The following BCAT2 variants were observed in gnomAD, a reference collection of about 807,000 sequenced individuals.
BCAT2 encodes the protein branched chain amino acid transaminase 2.
In BCAT2, 44 loss-of-function variants were observed where a neutral mutation model predicts 52.9. That is an observed-to-expected ratio of 0.83 (90% CI 0.65 to 1.07). The LOEUF is 1.07. Among genes scored for constraint, BCAT2 ranks in the 50% least tolerant of loss-of-function variants. The pLI is 0.00. For synonymous variants in BCAT2, 215 were observed against 217.1 expected, an observed-to-expected ratio of 0.99 and a Z score of 0.08; for missense variants, 478 against 521.8, an observed-to-expected ratio of 0.92 and a Z score of 0.82.
intron 2 of BCAT2, 90 bp from the exon 3 acceptor site, chr19:48,806,807 T>C: frequency 6.6e-7 from 1 of 1,509,648 alleles, no homozygotes; most frequent in Non-Finnish European, 9.1e-7. Context: ...CTCAGACCCA[T>C]AGAGAAGAAG....
intron 6 of BCAT2, among the ~76,000 whole-genome samples, chr19:48,798,272 TC>T (rs2034576857): frequency 6.6e-6 from 1 of 152,096 alleles, no homozygotes; most frequent in South Asian, 2.1e-4. Flanking sequence ...TGCTGGACCT[TC>T]CCTGGACTCC....
At chr19:48,798,138 C>A (rs1465814285) in intron 6 of BCAT2, among the ~76,000 whole-genome samples, 1 of 151,896 alleles carries the variant, frequency 6.6e-6, no homozygotes, top group East Asian at 1.9e-4. Context: ...CTCCTGACCT[C>A]AAGTGATCCG....
chr19:48,810,714 C>A, intron 1 of BCAT2: 417 of 686,838 alleles, frequency 6.1e-4, no homozygotes, highest in Non-Finnish European at 7.7e-4. Context: ...TCCCTCATTA[C>A]AGGGTCCTCC....
chr19:48,799,036 C>CTCGGA lies in BCAT2; in HGVS notation c.695+638_695+639insTCCGA, dbSNP rs2034596835. ...GCCTGGGAGACCCAGGAGAGCAGGG[C>CTCGGA]TCGGGGCTGACTCATCTGTGTCCCC... On this transcript the variant is annotated intron_variant, in intron 6 of 10. Coordinates refer to ENST00000316273, the MANE Select transcript of BCAT2 (RefSeq NM_001190.4). This position sits in a 1 kb window ranked among gnomAD's most constrained non-coding sequence, Gnocchi z 5.5. The CTCGGA allele has an allele frequency of 6.6e-6, 1 of 152,318 alleles. No individual in the cohort carries two copies. The highest frequency in any genetic ancestry group is 2.4e-5 in the African/African-American group (1 of 41,432). 9.4% of individuals were successfully genotyped at this position (152,318 alleles called of 1,614,324 possible).
At chr19:48,795,592 C>G (rs2034489992) in intron 10 of BCAT2, 128 bp from the exon 11 acceptor site, 1 of 1,007,694 alleles carries the variant, frequency 9.9e-7, no homozygotes, top group African/African-American at 1.6e-5. Flanking sequence ...TAGTCCACTT[C>G]CCAGAGGGCC....
rs1415171795 is a variant in BCAT2, at chr19:48,807,964, C to G, written c.25-890G>C. On this transcript the variant is annotated intron_variant, in intron 1 of 10. Coordinates refer to ENST00000316273, the MANE Select transcript of BCAT2 (RefSeq NM_001190.4). The surrounding 1 kb of genome is among the most constrained non-coding windows in gnomAD (Gnocchi z 4.6). ...CCTTTGACCTCACAAGGCCTCTTTCCCCAGCCCTGTGGGGAGGCGTTGGGG... is the reference window on the plus strand; with the variant it reads ...CCTTTGACCTCACAAGGCCTCTTTCGCCAGCCCTGTGGGGAGGCGTTGGGG... 33 of 985,874 alleles carry G rather than the reference C, an allele frequency of 3.3e-5. No homozygotes were observed. Among genetic ancestry groups the G allele is most frequent in the Non-Finnish European group, 4.0e-5 (33 of 830,298 alleles). 61.1% of individuals were successfully genotyped at this position (985,874 alleles called of 1,614,324 possible).
At position 48,806,411 on chromosome 19, in the gene BCAT2, G is replaced by A; in HGVS notation, c.300+106C>T. The A allele has an allele frequency of 2.1e-6, 3 of 1,408,264 alleles. No individual in the cohort carries two copies. The South Asian group carries it at 3.6e-5, about 17-fold the overall frequency. 87.2% of individuals were successfully genotyped at this position (1,408,264 alleles called of 1,614,324 possible). ...AAACAAATGGTGAATGCACAGAAAG[G>A]AGAAACACACAACAAACAAACCAAG... On this transcript the variant is annotated intron_variant, in intron 3 of 10. Transcript: ENST00000316273.
At chr19:48,806,144 AC>A (rs932613209) in intron 3 of BCAT2, among the ~76,000 whole-genome samples, 2 of 111,858 alleles carry the variant, frequency 1.8e-5, no homozygotes, top group Non-Finnish European at 3.7e-5. Context: ...CCCCTTTCCT[AC>A]CATCACCCTG....
At chr19:48,809,194 A>G (rs1258418272) in intron 1 of BCAT2, among the ~76,000 whole-genome samples, 1 of 150,914 alleles carries the variant, frequency 6.6e-6, no homozygotes, top group East Asian at 2.0e-4. Context: ...TGAACCCATG[A>G]GGCGGAGGTT....
At chr19:48,800,493 AG>A (rs1335085903) in intron 3 of BCAT2, among the ~76,000 whole-genome samples, 196 bp from the exon 4 acceptor site, 4 of 152,136 alleles carry the variant, frequency 2.6e-5, no homozygotes, top group Non-Finnish European at 5.9e-5. Context: ...GGAGACAAAC[AG>A]GTAGAGACAC....
chr19:48,799,747 G>A lies in BCAT2; in HGVS notation c.623C>T (p.Pro208Leu). 1.3e-6 allele frequency: 2 copies of A among 1,585,090 alleles called. No individual in the cohort carries two copies. The highest frequency in any genetic ancestry group is 1.7e-6 in the Non-Finnish European group (2 of 1,166,580). ...GAYFPGGSVT[P>L]VSLLADPAFI... The stretch of plus-strand genomic sequence containing the variant: ...GGCTGGGTCGGCCAGGAGGGAGACC[G>A]GGGTCACGGAGCCTCCAGGGAAGTA... Residue 208 changes from proline to leucine, a missense_variant, in exon 6 of 11, where the codon CCG becomes CTG. By Grantham distance (98) the Pro-to-Leu change is moderately conservative. Transcript: ENST00000316273. This position sits in a 1 kb window ranked among gnomAD's most constrained non-coding sequence, Gnocchi z 5.5.
intron 3 of BCAT2, among the ~76,000 whole-genome samples, chr19:48,803,330 G>A (rs1173423290): frequency 6.6e-6 from 1 of 152,046 alleles, no homozygotes; most frequent in Non-Finnish European, 1.5e-5. Flanking sequence ...ATCACCCTGG[G>A]CAACATAACA....
Position 48,800,009 on chromosome 19 carries a change from T to TA in BCAT2, c.502dup (p.Tyr168LeufsTer83). ...GTTCCCAATGAGCACAGGCCGCACA[T>TA]AGAGGCTGGTGCCGGCGGCATCGGG... On this transcript the variant is annotated frameshift_variant, in exon 5 of 11. Transcript: ENST00000316273. LOFTEE classifies it high-confidence loss of function. 2 of 1,613,758 alleles carry TA rather than the reference T, an allele frequency of 1.2e-6. No homozygotes were observed. The highest frequency in any genetic ancestry group is 1.7e-6 in the Non-Finnish European group (2 of 1,179,860).
chr19:48,806,876 T>C lies in BCAT2; in HGVS notation c.99+124A>G, dbSNP rs547762480. On this transcript the variant is annotated intron_variant, in intron 2 of 10. Transcript: ENST00000316273. ...GTTTCATCCCTTGTCTGCGGCCCAA[T>C]GGCAGGCTGTTAAGCTACCACCACT... 5.5e-5 allele frequency: 77 copies of C among 1,400,608 alleles called. 1 individual carries two copies. Among genetic ancestry groups the C allele is most frequent in the East Asian group, 7.1e-5 (3 of 42,518 alleles). The allele number at this position is 1,400,608 out of a possible 1,614,324, so 86.8% of individuals were successfully genotyped here. A position where few individuals can be genotyped will look rare whatever the true frequency, so the allele number is the denominator to read the frequency against.
intron 1 of BCAT2, 195 bp downstream of exon 1, chr19:48,810,789 G>T: frequency 2.5e-6 from 3 of 1,199,964 alleles, no homozygotes; most frequent in South Asian, 2.1e-5. Context: ...CCTCATCCGC[G>T]TCTACCTGCT....
At chr19:48,796,196 GAA>G (rs1377039976) in intron 10 of BCAT2, 2 of 587,970 alleles carry the variant, frequency 3.4e-6, no homozygotes, top group Admixed American at 6.5e-5. Flanking sequence ...TTCCAAAGCT[GAA>G]GACATATCCA....
chr19:48,803,439 G>A (rs1270102447), intron 3 of BCAT2, among the ~76,000 whole-genome samples: 1 of 152,022 alleles, frequency 6.6e-6, no homozygotes, highest in East Asian at 1.9e-4. Context: ...GACGCAGGTG[G>A]ATCGCTGGAG....
chr19:48,797,461 C>T (rs2034552933), intron 6 of BCAT2, 128 bp from the exon 7 acceptor site: 1 of 1,177,386 alleles, frequency 8.5e-7, no homozygotes, highest in Non-Finnish European at 1.2e-6. Context: ...CCCCAGTTCC[C>T]CTGAGATGGA....
In BCAT2 at chr19:48,797,077, T is replaced by C. The variant is rs564638581; in HGVS notation, c.839-55A>G. On this transcript the variant is annotated intron_variant, in intron 7 of 10. Transcript: ENST00000316273. ...TACCTCTCACCCCCTAGCACCGCCG[T>C]CTTAAGAGCCACCCCCTTCCCCCAT... 3.1e-6 allele frequency: 5 copies of C among 1,611,190 alleles called. No individual in the cohort carries two copies. In the East Asian group the frequency reaches 6.7e-5, roughly 22 times the overall value.
Sources: allele counts gnomAD v4.1 joint callset (sites outside exome capture counted in the v4.1 genomes callset), GRCh38; gene constraint gnomAD v4.1.1; non-coding constraint Gnocchi (gnomAD v3.1); transcripts MANE v1.5; gene names NCBI Gene and HGNC (gene_info 2026-07-23, HGNC 2026-07-21).